SYNRG: variants seen among roughly 807,000 people sequenced by gnomAD.
SYNRG encodes the protein synergin gamma.
A neutral mutation model predicts 130.9 loss-of-function variants in SYNRG; 37 were observed. The ratio of observed to expected loss-of-function variants is 0.28; its 90% CI spans 0.22 to 0.37. The LOEUF (loss-of-function observed/expected upper bound fraction) is 0.37. Ranked by LOEUF, SYNRG falls within the 10% of genes least tolerant of loss-of-function variation. The pLI is 1.00. For missense variants in SYNRG, 1,338 were observed against 1,588.9 expected, an observed-to-expected ratio of 0.84 and a Z score of 2.68; for synonymous variants, 539 against 568.1, an observed-to-expected ratio of 0.95 and a Z score of 0.73.
In SYNRG at chr17:37,553,748, C is replaced by G. The variant is rs755312936; in HGVS notation, c.1975G>C (p.Ala659Pro). The G allele has an allele frequency of 6.2e-7, 1 of 1,613,018 alleles. No homozygotes were observed. ...TGSAATMTAL[A>P]ATKTSSLADD... Reference sequence around the variant, plus strand: ...GCCAAACTAGAAGTTTTTGTTGCTGCCAATGCTGTCATAGTAGCAGCAGAA... The same window carrying G: ...GCCAAACTAGAAGTTTTTGTTGCTGGCAATGCTGTCATAGTAGCAGCAGAA... The change falls in exon 14 of 22, where the codon GCA becomes CCA. Residue 659 changes from alanine (A) to proline (P), a missense_variant. This residue lies in a region of SYNRG where 1,146 missense variants were observed against 1,342.3 expected (regional missense o/e 0.85). Coordinates refer to ENST00000612223, the MANE Select transcript of SYNRG (RefSeq NM_007247.6).
intron 19 of SYNRG, 121 bp downstream of exon 19, chr17:37,535,858 A>G (rs776527758): frequency 6.6e-5 from 88 of 1,340,906 alleles, no homozygotes; most frequent in Non-Finnish European, 8.6e-5. Context: ...CTCCTTTAAT[A>G]TAACATGCTC....
chr17:37,592,048 A>G (rs767851408), intron 3 of SYNRG, among the ~76,000 whole-genome samples: 4 of 152,220 alleles, frequency 2.6e-5, no homozygotes, highest in Non-Finnish European at 5.9e-5. Context: ...TGTAAACCAC[A>G]TATCTGACAA....
chr17:37,570,159 T>A (rs1348851022), intron 10 of SYNRG, among the ~76,000 whole-genome samples: 2 of 150,720 alleles, frequency 1.3e-5, no homozygotes, highest in African/African-American at 4.9e-5. Flanking sequence ...TTTTTTTTTT[T>A]TTTTTTAAAC....
chr17:37,542,473 C>T lies in SYNRG; in HGVS notation c.2701G>A (p.Asp901Asn), dbSNP rs147904895. 137 of 1,613,904 alleles carry T rather than the reference C, an allele frequency of 8.5e-5. 1 individual carries two copies. The African/African-American group carries it at 1.7e-3, about 20-fold the overall frequency. Reference protein sequence around the residue: ...LTSYDWSDRDDATQGRKLSPF... With the variant: ...LTSYDWSDRDNATQGRKLSPF... ...GAGAGTTTTCTGCCCTGAGTTGCAT[C>T]ATCCCTGTCTGACCAGTCATAGCTT... The change falls in exon 15 of 22, where the codon GAT (aspartate) becomes AAT (asparagine). Residue 901 changes from aspartate to asparagine, a missense_variant. Transcript: ENST00000612223.
At chr17:37,558,110 G>A (rs2059252874) in intron 13 of SYNRG, among the ~76,000 whole-genome samples, 1 of 152,184 alleles carries the variant, frequency 6.6e-6, no homozygotes, top group Non-Finnish European at 1.5e-5. Flanking sequence ...CTCCCACTGT[G>A]TATCTGATAC....
At chr17:37,609,161 T>C (rs969045942) in intron 1 of SYNRG, 118 bp downstream of exon 1, 10 of 1,168,120 alleles carry the variant, frequency 8.6e-6, no homozygotes, top group Non-Finnish European at 1.1e-5. Context: ...ATGACCCTCC[T>C]CCCGCAGCCC....
chr17:37,515,304 A>T lies in SYNRG; in HGVS notation c.*3636T>A, dbSNP rs2054341462. On this transcript the variant is annotated 3_prime_UTR_variant, in exon 22 of 22. Coordinates refer to ENST00000612223, the MANE Select transcript of SYNRG (RefSeq NM_007247.6). Reference sequence around the variant, plus strand: ...GAAATAAGTAAGTAACTTAAACATAAAAAACATAGTCGACACACATCTTGC... The same window carrying T: ...GAAATAAGTAAGTAACTTAAACATATAAAACATAGTCGACACACATCTTGC... 1 of 152,204 alleles carries T rather than the reference A, an allele frequency of 6.6e-6. No homozygotes were observed. The highest frequency in any genetic ancestry group is 1.5e-5 in the Non-Finnish European group (1 of 68,028). 9.4% of individuals were successfully genotyped at this position (152,204 alleles called of 1,614,324 possible).
chr17:37,577,523 T>C lies in SYNRG; in HGVS notation c.680A>G (p.His227Arg), dbSNP rs1056875696. ...ACTGGAACCTGGGCCTAGGGCTTTG[T>C]GGCCAACTTCAGAAGTATTTAATTT... ...QIKLNTSEVG[H>R]KALGPGSSKK... is the part of the protein sequence containing the mutation. Residue 227 changes from histidine (H) to arginine (R), a missense_variant, in exon 7 of 22, where the codon CAC (histidine) becomes CGC (arginine). By Grantham distance (29) the His-to-Arg change is conservative. Around this residue, in one of 3 missense-constraint regions of SYNRG, gnomAD observed 1,146 missense variants for 1,342.3 expected, o/e 0.85. Coordinates refer to ENST00000612223, the MANE Select transcript of SYNRG (RefSeq NM_007247.6). 1.1e-5 allele frequency: 17 copies of C among 1,614,142 alleles called. No homozygotes were observed. The highest frequency in any genetic ancestry group is 1.4e-5 in the Non-Finnish European group (16 of 1,180,024).
chr17:37,529,731 T>C, intron 19 of SYNRG: 2 of 1,520,924 alleles, frequency 1.3e-6, no homozygotes, highest in Non-Finnish European at 1.8e-6. Flanking sequence ...TCCCCACTTA[T>C]CCTTTCCCCC....
At chr17:37,599,697 G>C (rs1404901737) in intron 2 of SYNRG, among the ~76,000 whole-genome samples, 1 of 152,056 alleles carries the variant, frequency 6.6e-6, no homozygotes, top group African/African-American at 2.4e-5. Context: ...ACTCCAGCCT[G>C]GACGACAGAG....
At chr17:37,580,750 G>C (rs1427014583) in intron 6 of SYNRG, among the ~76,000 whole-genome samples, 1 of 152,094 alleles carries the variant, frequency 6.6e-6, no homozygotes, top group Non-Finnish European at 1.5e-5. Flanking sequence ...GGCCAGGCTG[G>C]TCTTGAACTC....
chr17:37,583,984 T>C (rs762796025), intron 6 of SYNRG, among the ~76,000 whole-genome samples: 2 of 152,182 alleles, frequency 1.3e-5, no homozygotes, highest in Non-Finnish European at 2.9e-5. Context: ...GCATGAGCCA[T>C]GGCACCTGGC....
intron 19 of SYNRG, among the ~76,000 whole-genome samples, chr17:37,524,576 A>G (rs1351285134): frequency 6.6e-6 from 1 of 152,244 alleles, no homozygotes; most frequent in Non-Finnish European, 1.5e-5. Flanking sequence ...AAGTCATAGG[A>G]TATTTTTTCT....
chr17:37,552,927 T>C (rs907059783), intron 14 of SYNRG, among the ~76,000 whole-genome samples, 188 bp downstream of exon 14: 2 of 152,234 alleles, frequency 1.3e-5, no homozygotes, highest in African/African-American at 2.4e-5. Context: ...ACAGTAGCCA[T>C]AGTATCCATA....
chr17:37,532,693 A>T (rs1450115216), intron 19 of SYNRG, among the ~76,000 whole-genome samples: 2 of 151,780 alleles, frequency 1.3e-5, no homozygotes, highest in African/African-American at 4.8e-5. Context: ...AAAAAAAAAA[A>T]AATTAGTAGG....
rs568596895 is a variant in SYNRG at position 37,516,476 on chromosome 17, G to T, written c.*2464C>A. Reference sequence around the variant, plus strand: ...GGAGTGACTAAGCCTACCATCCTTGGTAAGGAAAATGGGGATTATACTAAG... The same window carrying T: ...GGAGTGACTAAGCCTACCATCCTTGTTAAGGAAAATGGGGATTATACTAAG... On this transcript the variant is annotated 3_prime_UTR_variant, in exon 22 of 22. Transcript: ENST00000612223. The T allele has an allele frequency of 6.6e-6, 1 of 152,198 alleles. No homozygotes were observed. The highest frequency in any genetic ancestry group is 2.4e-5 in the African/African-American group (1 of 41,502). The allele number at this position is 152,198 out of a possible 1,614,324, so 9.4% of individuals were successfully genotyped here.
chr17:37,594,632 T>C (rs1221480591), intron 3 of SYNRG, among the ~76,000 whole-genome samples: 2 of 152,078 alleles, frequency 1.3e-5, no homozygotes, highest in Admixed American at 6.6e-5. Context: ...CGGCTAATTT[T>C]TGTATTTTTA....
At chr17:37,526,311 A>G (rs2055913410) in intron 19 of SYNRG, among the ~76,000 whole-genome samples, 1 of 152,236 alleles carries the variant, frequency 6.6e-6, no homozygotes, top group African/African-American at 2.4e-5. Context: ...AGATGGACAC[A>G]TAGCCTGAGC....
At chr17:37,523,999 C>T (rs148451494) in intron 19 of SYNRG, among the ~76,000 whole-genome samples, 1,835 of 152,304 alleles carry the variant, frequency 0.012, 17 homozygotes, top group Non-Finnish European at 0.019. Context: ...TCAGGAAGTT[C>T]GATGTCGGGG....
Sources: allele counts gnomAD v4.1 joint callset (sites outside exome capture counted in the v4.1 genomes callset), GRCh38; gene constraint gnomAD v4.1.1; regional missense constraint gnomAD v4.1.1; transcripts MANE v1.5; gene names NCBI Gene and HGNC (gene_info 2026-07-23, HGNC 2026-07-21).